Variants in VAV3 observed in about 807,000 individuals in gnomAD.
VAV3 encodes guanine nucleotide exchange factor VAV3.
VAV3 carries 94 observed loss-of-function variants against 131.2 expected under a neutral mutation model. The ratio of observed to expected loss-of-function variants is 0.72; its 90% CI spans 0.61 to 0.85. The LOEUF (loss-of-function observed/expected upper bound fraction) is 0.85, where lower values mean the gene tolerates loss of function less well. Among genes scored for constraint, VAV3 ranks in the 40% least tolerant of loss-of-function variants. The pLI is 0.00. For synonymous variants in VAV3, 349 were observed against 342.0 expected (o/e 1.02, Z -0.22); for missense variants, 939 against 1,002.7 (o/e 0.94, Z 0.86).
intron 17 of VAV3, among the ~76,000 whole-genome samples, chr1:107,694,380 T>C (rs2101799980): frequency 6.6e-6 from 1 of 152,238 alleles, no homozygotes; most frequent in Non-Finnish European, 1.5e-5. Flanking sequence ...GGCAGTAGAT[T>C]TTTTCAGAAA....
chr1:107,766,605 C>T (rs1204429669), intron 7 of VAV3, 55 bp from the exon 8 acceptor site: 39 of 1,355,160 alleles, frequency 2.9e-5, no homozygotes, highest in Admixed American at 2.8e-4. Flanking sequence ...AAAAAATACA[C>T]CCCAAACCCA....
At position 107,952,468 on chromosome 1, in the gene VAV3, T is replaced by TTATATATATATATATA. The variant is rs1161088981; in HGVS notation, c.204+12182_204+12197dup. On this transcript the variant is annotated intron_variant, in intron 1 of 26. Coordinates refer to ENST00000370056, the MANE Select transcript of VAV3 (RefSeq NM_006113.5). ...TGTGCCCCGAACTTATAACAAAACT[T>TTATATATATATATATA]TATATATATATATATATACACACAT... is the stretch of plus-strand genomic sequence containing the variant. 2.8e-3 allele frequency among the ~76,000 whole-genome samples: 329 copies of TTATATATATATATATA among 118,936 alleles called. 3 individuals carry two copies. Among genetic ancestry groups the TTATATATATATATATA allele is most frequent in the African/African-American group, 6.1e-3 (173 of 28,196 alleles). 78.0% of individuals were successfully genotyped at this position (118,936 alleles called of 152,430 possible).
At chr1:107,911,493 C>T (rs907022262) in intron 1 of VAV3, among the ~76,000 whole-genome samples, 8 of 152,178 alleles carry the variant, frequency 5.3e-5, no homozygotes, top group Non-Finnish European at 8.8e-5. Flanking sequence ...TGTTATATAG[C>T]AGGGTATTAA....
At chr1:107,633,201 T>C (rs1654637210) in intron 20 of VAV3, among the ~76,000 whole-genome samples, 1 of 151,994 alleles carries the variant, frequency 6.6e-6, no homozygotes, top group Admixed American at 6.6e-5. Flanking sequence ...AAAGATACTA[T>C]ACATAATTAA....
chr1:107,856,454 T>G (rs1207249779), intron 2 of VAV3, among the ~76,000 whole-genome samples: 2 of 152,162 alleles, frequency 1.3e-5, no homozygotes, highest in Non-Finnish European at 2.9e-5. Flanking sequence ...TAGCTGAAAT[T>G]TCTATCCAAT....
chr1:107,702,312 T>C (rs938741631), intron 17 of VAV3, among the ~76,000 whole-genome samples: 1 of 152,122 alleles, frequency 6.6e-6, no homozygotes, highest in Non-Finnish European at 1.5e-5. Flanking sequence ...GGAAATCCCA[T>C]GATCCAATCC....
At chr1:107,821,898 G>T (rs565052614) in intron 2 of VAV3, among the ~76,000 whole-genome samples, 3 of 152,180 alleles carry the variant, frequency 2.0e-5, no homozygotes, top group South Asian at 2.1e-4. Flanking sequence ...CTATCTTAGG[G>T]GAAGAAGTAC....
At chr1:107,630,753 A>G (rs12408984) in intron 20 of VAV3, among the ~76,000 whole-genome samples, 17,139 of 152,184 alleles carry the variant, frequency 0.11, 1,114 homozygotes, top group South Asian at 0.23. Flanking sequence ...AAATCAGCAA[A>G]TTAACATAAA....
At chr1:107,653,481 G>A (rs1656320229) in intron 19 of VAV3, among the ~76,000 whole-genome samples, 1 of 151,978 alleles carries the variant, frequency 6.6e-6, no homozygotes, top group Admixed American at 6.6e-5. Context: ...ACTTCTATGA[G>A]TCCACTTTCA....
chr1:107,798,382 C>T (rs988025474), intron 2 of VAV3, among the ~76,000 whole-genome samples: 1 of 149,578 alleles, frequency 6.7e-6, no homozygotes, highest in African/African-American at 2.4e-5. Context: ...AATTCCCAGG[C>T]AGGTGGCTGT....
intron 15 of VAV3, among the ~76,000 whole-genome samples, chr1:107,734,330 A>T (rs1439524310): frequency 6.6e-6 from 1 of 152,242 alleles, no homozygotes; most frequent in Non-Finnish European, 1.5e-5. Context: ...AGCTAACCTC[A>T]TAATGACAGA....
chr1:107,876,166 G>C (rs949186521), intron 1 of VAV3, among the ~76,000 whole-genome samples: 25 of 152,152 alleles, frequency 1.6e-4, no homozygotes, highest in Non-Finnish European at 3.1e-4. Context: ...TCTAGATGAA[G>C]GGAGTGAAAA....
At chr1:107,858,751 G>GT (rs1669595770) in intron 2 of VAV3, among the ~76,000 whole-genome samples, 1 of 152,188 alleles carries the variant, frequency 6.6e-6, no homozygotes, top group African/African-American at 2.4e-5. Context: ...TACCTAAAAG[G>GT]TTGGGGACTG....
In VAV3 at chr1:107,868,643, A is replaced by C. The variant is rs537418872; in HGVS notation, c.321+6258T>G. On this transcript the variant is annotated intron_variant, in intron 2 of 26. Coordinates refer to ENST00000370056, the MANE Select transcript of VAV3 (RefSeq NM_006113.5). ...ACTGTACTTCTATTTTATTATTTAC[A>C]TGCTGCAAAATAGGTTCTGGGACTT... 1.3e-4 allele frequency among the ~76,000 whole-genome samples: 20 copies of C among 152,276 alleles called. No individual in the cohort carries two copies. The South Asian group carries it at 3.9e-3, about 30-fold the overall frequency.
intron 1 of VAV3, among the ~76,000 whole-genome samples, chr1:107,960,415 G>A (rs57910215): frequency 0.11 from 16,887 of 151,688 alleles, 1,760 homozygotes; most frequent in African/African-American, 0.28. Context: ...GCAGTGAGCT[G>A]AGATCAGGCC....
chr1:107,676,229 C>A (rs1274934168), intron 19 of VAV3, among the ~76,000 whole-genome samples: 1 of 152,220 alleles, frequency 6.6e-6, no homozygotes, highest in Non-Finnish European at 1.5e-5. Flanking sequence ...GAGAAGTGAG[C>A]ACAGAAGCCA....
intron 19 of VAV3, among the ~76,000 whole-genome samples, chr1:107,660,875 G>A (rs963629449): frequency 2.6e-5 from 4 of 152,004 alleles, no homozygotes; most frequent in Non-Finnish European, 4.4e-5. Context: ...CAAACGCTAC[G>A]GAAGCACAAA....
intron 2 of VAV3, among the ~76,000 whole-genome samples, chr1:107,847,132 A>G (rs1164472695): frequency 6.6e-6 from 1 of 152,130 alleles, no homozygotes; most frequent in African/African-American, 2.4e-5. Context: ...TCAAAACCAC[A>G]CGACTACAAG....
chr1:107,784,061 AAT>A (rs10539411), intron 2 of VAV3, among the ~76,000 whole-genome samples: 107,549 of 148,640 alleles, frequency 0.72, 39,098 homozygotes, highest in Non-Finnish European at 0.77. Context: ...CCCTATCTCA[AAT>A]ATATATATAT....
Sources: gnomAD v4.1 joint callset for allele counts (sites outside exome capture counted in the v4.1 genomes callset) on GRCh38, gnomAD v4.1.1 for gene constraint, MANE v1.5 for transcripts, NCBI Gene and HGNC (gene_info 2026-07-23, HGNC 2026-07-21) for gene names.